ST3GAL6: variants seen among roughly 807,000 people sequenced by gnomAD.
ST3GAL6 encodes the protein ST3 beta-galactoside alpha-2,3-sialyltransferase 6.
In ST3GAL6, 31 loss-of-function variants were observed where a neutral mutation model predicts 40.5. That is an observed-to-expected ratio of 0.77 (90% CI 0.58 to 1.03). The LOEUF (loss-of-function observed/expected upper bound fraction) is 1.03. Ranked by LOEUF, ST3GAL6 falls within the 50% of genes least tolerant of loss-of-function variation. The pLI, the probability that ST3GAL6 is intolerant of heterozygous loss-of-function variation, is 0.00. For synonymous variants in ST3GAL6, 129 were observed against 136.9 expected, an observed-to-expected ratio of 0.94 and a Z score of 0.40; for missense variants, 357 against 393.2, an observed-to-expected ratio of 0.91 and a Z score of 0.78.
chr3:98,781,919 G>T (rs1393727387), intron 5 of ST3GAL6, among the ~76,000 whole-genome samples: 1 of 152,164 alleles, frequency 6.6e-6, no homozygotes, highest in Non-Finnish European at 1.5e-5. Context: ...GCTTTAGGAG[G>T]TGTAGCCTCT....
upstream of ST3GAL6, among the ~76,000 whole-genome samples, chr3:98,761,377 G>A (rs577011017): frequency 9.2e-5 from 14 of 152,318 alleles, no homozygotes; most frequent in Middle Eastern, 6.8e-3. Flanking sequence ...GGAGGCCGAG[G>A]TGGGTGGATC....
chr3:98,768,582 A>C lies in ST3GAL6; in HGVS notation c.89+53A>C, dbSNP rs539519085. ...AACTCTCAACCTAGTCTTTCACACAAATCCACAAATTATAGTAGAGGGTCC... is the reference window on the plus strand; with the variant it reads ...AACTCTCAACCTAGTCTTTCACACACATCCACAAATTATAGTAGAGGGTCC... On this transcript the variant is annotated intron_variant, in intron 2 of 9. Transcript: ENST00000483910. 17 of 1,331,320 alleles carry C rather than the reference A, an allele frequency of 1.3e-5. No homozygotes were observed. The African/African-American group carries it at 2.0e-4, about 16-fold the overall frequency. 82.5% of individuals were successfully genotyped at this position (1,331,320 alleles called of 1,614,324 possible).
intron 1 of ST3GAL6, among the ~76,000 whole-genome samples, chr3:98,755,277 A>C (rs1412700181): frequency 6.6e-6 from 1 of 151,838 alleles, no homozygotes; most frequent in East Asian, 1.9e-4. Context: ...TGATCTCCTG[A>C]CCTCGTGATC....
intron 1 of ST3GAL6, among the ~76,000 whole-genome samples, chr3:98,736,777 G>A (rs1478751651): frequency 1.3e-5 from 2 of 152,166 alleles, no homozygotes; most frequent in Non-Finnish European, 2.9e-5. Flanking sequence ...TTTATGGGGG[G>A]CAGAGTCAAA....
rs368969239 is a variant in ST3GAL6, at chr3:98,792,785, C to T, written c.909+792C>T. Among the ~76,000 whole-genome samples, 5 of 151,656 alleles carry T rather than the reference C, an allele frequency of 3.3e-5. No individual in the cohort carries two copies. In the East Asian group the frequency reaches 7.8e-4, roughly 24 times the overall value. ...CTGCCCGCCTTAGCCTCCCAGAGTGCTGGGATTACAGGCATGGGCCACTGT... is the reference window on the plus strand; with the variant it reads ...CTGCCCGCCTTAGCCTCCCAGAGTGTTGGGATTACAGGCATGGGCCACTGT... On this transcript the variant is annotated intron_variant, in intron 9 of 9. Coordinates refer to ENST00000483910, the MANE Select transcript of ST3GAL6 (RefSeq NM_001323368.2).
At chr3:98,733,306 G>C (rs1187690829) in intron 1 of ST3GAL6, 1 of 1,169,848 alleles carries the variant, frequency 8.5e-7, no homozygotes, top group African/African-American at 1.6e-5. Flanking sequence ...GGGACGCGCA[G>C]CCTCGCGGGT....
intron 5 of ST3GAL6, chr3:98,783,872 T>G (rs956983243): frequency 1.1e-5 from 2 of 180,134 alleles, no homozygotes; most frequent in Non-Finnish European, 2.1e-5. Context: ...TCAGATGAAC[T>G]GTACTACTCA....
chr3:98,770,865 T>C lies in ST3GAL6; in HGVS notation c.90-14T>C, dbSNP rs770622959. 1.9e-6 allele frequency: 3 copies of C among 1,613,208 alleles called. No individual in the cohort carries two copies. The South Asian group carries it at 3.3e-5, about 18-fold the overall frequency. ...CGATTCTGGTTTCTGACTGACATTA[T>C]TTTTGTCTCATAGGGTGGCACCTGT... is the stretch of plus-strand genomic sequence containing the variant. On this transcript the variant is annotated splice_polypyrimidine_tract_variant and intron_variant, in intron 2 of 9. Coordinates refer to ENST00000483910, the MANE Select transcript of ST3GAL6 (RefSeq NM_001323368.2).
intron 1 of ST3GAL6, among the ~76,000 whole-genome samples, chr3:98,767,123 T>C (rs1018690888): frequency 2.0e-5 from 3 of 152,298 alleles, no homozygotes; most frequent in African/African-American, 7.2e-5. Context: ...ACTGCATTAA[T>C]AGCAGCAAGA....
At chr3:98,768,856 AC>A (rs910165585) in intron 2 of ST3GAL6, among the ~76,000 whole-genome samples, 3 of 152,186 alleles carry the variant, frequency 2.0e-5, no homozygotes, top group Non-Finnish European at 2.9e-5. Context: ...TACTTTTGGA[AC>A]CTAAAATGCT....
intron 9 of ST3GAL6, among the ~76,000 whole-genome samples, chr3:98,792,629 C>T (rs1337660808): frequency 4.0e-5 from 6 of 150,634 alleles, no homozygotes; most frequent in African/African-American, 1.5e-4. Context: ...GCTTCAGTCT[C>T]CCTAGTTTCT....
intron 1 of ST3GAL6, among the ~76,000 whole-genome samples, chr3:98,755,197 C>G (rs1407414694): frequency 6.6e-6 from 1 of 152,160 alleles, no homozygotes; most frequent in Non-Finnish European, 1.5e-5. Flanking sequence ...CAGGTGCCTG[C>G]CACCGCGCCT....
intron 2 of ST3GAL6, chr3:98,770,476 G>A (rs3772096): frequency 1.1e-5 from 2 of 178,008 alleles, no homozygotes; most frequent in East Asian, 1.6e-4. Flanking sequence ...GCCGGTGTGC[G>A]TCAGCAGATG....
At chr3:98,765,809 A>G (rs1364763813) in intron 1 of ST3GAL6, among the ~76,000 whole-genome samples, 2 of 152,130 alleles carry the variant, frequency 1.3e-5, no homozygotes, top group Non-Finnish European at 2.9e-5. Context: ...AAAGGGCCTT[A>G]TGTCTTTTTA....
intron 6 of ST3GAL6, 138 bp from the exon 7 acceptor site, chr3:98,787,898 A>G: frequency 6.4e-6 from 4 of 629,890 alleles, no homozygotes; most frequent in Non-Finnish European, 7.8e-6. Flanking sequence ...TGTGTGAAAG[A>G]TTGATCTATT....
chr3:98,781,277 A>G (rs1940089112), intron 5 of ST3GAL6, among the ~76,000 whole-genome samples: 1 of 152,102 alleles, frequency 6.6e-6, no homozygotes, highest in Non-Finnish European at 1.5e-5. Context: ...GAGGTGAACA[A>G]TGAGAACACG....
intron 6 of ST3GAL6, among the ~76,000 whole-genome samples, chr3:98,786,328 CA>C (rs1220815098): frequency 6.6e-6 from 1 of 152,070 alleles, no homozygotes; most frequent in East Asian, 1.9e-4. Flanking sequence ...GAGGATCCAC[CA>C]GTGAGGTAAG....
intron 1 of ST3GAL6, among the ~76,000 whole-genome samples, chr3:98,749,907 C>T (rs1195311747): frequency 1.3e-5 from 2 of 152,160 alleles, no homozygotes; most frequent in African/African-American, 2.4e-5. Context: ...AAGCAATAAA[C>T]GAGTACCTTC....
At chr3:98,762,715 A>C (rs1320602759), upstream of ST3GAL6, 1 of 788,200 alleles carries the variant, frequency 1.3e-6, no homozygotes, top group African/African-American at 1.9e-5. Flanking sequence ...AACAGTTCAT[A>C]CTCTTAAAAA....
Sources: gnomAD v4.1 joint callset for allele counts (sites outside exome capture counted in the v4.1 genomes callset) on GRCh38, gnomAD v4.1.1 for gene constraint, MANE v1.5 for transcripts, NCBI Gene and HGNC (gene_info 2026-07-23, HGNC 2026-07-21) for gene names.